Variants in TEC observed in about 807,000 individuals in gnomAD.
The protein encoded by TEC is tyrosine-protein kinase Tec.
A neutral mutation model predicts 93.0 loss-of-function variants in TEC; 72 were observed. The observed-to-expected ratio is 0.77, with a 90% CI of 0.64 to 0.94. The LOEUF (loss-of-function observed/expected upper bound fraction) is 0.94. Ranked by LOEUF, TEC falls within the 40% of genes least tolerant of loss-of-function variation. The pLI, the probability that TEC is intolerant of heterozygous loss-of-function variation, is 0.00. For synonymous variants in TEC, 249 were observed against 247.7 expected (o/e 1.01, Z -0.05); for missense variants, 630 against 757.9 (o/e 0.83, Z 1.98).
chr4:48,211,166 T>C (rs559542644), intron 2 of TEC, among the ~76,000 whole-genome samples: 15 of 152,338 alleles, frequency 9.8e-5, no homozygotes, highest in Non-Finnish European at 2.1e-4. Flanking sequence ...TCCATCCTCT[T>C]AGTCTCTCAC....
At chr4:48,191,915 G>T (rs916346718) in intron 2 of TEC, among the ~76,000 whole-genome samples, 1 of 152,066 alleles carries the variant, frequency 6.6e-6, no homozygotes, top group South Asian at 2.1e-4. Flanking sequence ...CTCCAGCCTG[G>T]GTGACAGACT....
intron 2 of TEC, among the ~76,000 whole-genome samples, chr4:48,210,309 T>C (rs1362855410): frequency 6.6e-6 from 1 of 151,832 alleles, no homozygotes; most frequent in African/African-American, 2.4e-5. Context: ...ATAGCAAGAC[T>C]CCATCTCTAC....
chr4:48,165,496 C>A (rs986571787), intron 7 of TEC, among the ~76,000 whole-genome samples: 2 of 152,152 alleles, frequency 1.3e-5, no homozygotes, highest in Non-Finnish European at 2.9e-5. Context: ...AATGAACCCC[C>A]AAATCATCAG....
chr4:48,217,956 G>GAAA (rs35176630), intron 2 of TEC, among the ~76,000 whole-genome samples: 1 of 134,404 alleles, frequency 7.4e-6, no homozygotes, highest in African/African-American at 2.8e-5. Context: ...GCTTCCTAGA[G>GAAA]AAAAAAAAAA....
At chr4:48,191,670 T>C (rs1025084328) in intron 2 of TEC, among the ~76,000 whole-genome samples, 10 of 152,182 alleles carry the variant, frequency 6.6e-5, no homozygotes, top group Non-Finnish European at 1.0e-4. Context: ...TCAATTACCA[T>C]GGAAATGTAG....
rs373699587 is a variant in TEC, at chr4:48,168,549, T to C, written c.495+37A>G. On this transcript the variant is annotated intron_variant, in intron 6 of 17. Transcript: ENST00000381501. ...AAACTTAAGACTTAAAGGCTTAAAATGTAAAGATTAACTATCAAAAGCTAA... is the reference window on the plus strand; with the variant it reads ...AAACTTAAGACTTAAAGGCTTAAAACGTAAAGATTAACTATCAAAAGCTAA... 1.7e-5 allele frequency: 27 copies of C among 1,605,060 alleles called. No homozygotes were observed. In the African/African-American group the frequency reaches 3.5e-4, roughly 21 times the overall value.
At chr4:48,198,204 G>GT (rs1286065694) in intron 2 of TEC, among the ~76,000 whole-genome samples, 1 of 152,238 alleles carries the variant, frequency 6.6e-6, no homozygotes, top group Non-Finnish European at 1.5e-5. Context: ...AGGGATCCTG[G>GT]GGGGAATATC....
At position 48,179,358 on chromosome 4, in the gene TEC, ATATATATATATATATATATT is replaced by A. The variant is rs1306825959; in HGVS notation, c.139-3192_139-3173del. ...GGGTAGTATATATATATATATATAT[ATATATATATATATATATATT>A]TTTTTTTTTTTTTTTTTTTTTTCAA... On this transcript the variant is annotated intron_variant, in intron 2 of 17. Transcript: ENST00000381501. Among the ~76,000 whole-genome samples the A allele has an allele frequency of 2.5e-3, 89 of 35,956 alleles. 1 individual carries two copies. Among genetic ancestry groups the A allele is most frequent in the African/African-American group, 0.01 (85 of 8,168 alleles). 23.6% of individuals were successfully genotyped at this position (35,956 alleles called of 152,430 possible).
At chr4:48,220,447 T>G (rs1723223520) in intron 2 of TEC, among the ~76,000 whole-genome samples, 1 of 151,956 alleles carries the variant, frequency 6.6e-6, no homozygotes, top group Non-Finnish European at 1.5e-5. Context: ...ATGAATGAGT[T>G]CTCACTCTGA....
chr4:48,140,115 A>G, intron 15 of TEC, among the ~76,000 whole-genome samples: 1 of 152,236 alleles, frequency 6.6e-6, no homozygotes, highest in East Asian at 1.9e-4. Flanking sequence ...ATATCCTAAG[A>G]GTTGGAAGTT....
chr4:48,144,744 G>C (rs1719832620), intron 14 of TEC, among the ~76,000 whole-genome samples: 1 of 152,152 alleles, frequency 6.6e-6, no homozygotes, highest in South Asian at 2.1e-4. Flanking sequence ...ATCACAGTAG[G>C]CGAGCCTTTT....
At chr4:48,168,987 C>T (rs769801310) in intron 5 of TEC, among the ~76,000 whole-genome samples, 1 of 152,180 alleles carries the variant, frequency 6.6e-6, no homozygotes, top group Non-Finnish European at 1.5e-5. Context: ...CATTCCTCTA[C>T]AGTCCACAGT....
At chr4:48,144,951 A>G (rs1289121031) in intron 14 of TEC, 128 bp downstream of exon 14, 1 of 788,674 alleles carries the variant, frequency 1.3e-6, no homozygotes, top group Non-Finnish European at 2.1e-6. Flanking sequence ...AAATTTACCA[A>G]CTTTAAAAAT....
At chr4:48,209,531 T>A (rs904345403) in intron 2 of TEC, among the ~76,000 whole-genome samples, 2 of 152,162 alleles carry the variant, frequency 1.3e-5, no homozygotes, top group Admixed American at 1.3e-4. Context: ...GAGGATGGCC[T>A]GAGCCCAGGA....
At chr4:48,197,742 CA>C (rs1256506018) in intron 2 of TEC, among the ~76,000 whole-genome samples, 2 of 152,210 alleles carry the variant, frequency 1.3e-5, no homozygotes, top group Non-Finnish European at 2.9e-5. Context: ...CCTCAGCATC[CA>C]TTTTGAATAG....
intron 1 of TEC, among the ~76,000 whole-genome samples, chr4:48,248,935 C>T (rs1307258934): frequency 1.3e-5 from 2 of 150,252 alleles, no homozygotes; most frequent in African/African-American, 4.9e-5. Flanking sequence ...AATTCTACTA[C>T]ACACTGAAAA....
At chr4:48,223,032 T>G (rs900666183) in intron 2 of TEC, among the ~76,000 whole-genome samples, 2 of 152,132 alleles carry the variant, frequency 1.3e-5, no homozygotes, top group African/African-American at 4.8e-5. Context: ...AGATCAGATG[T>G]GTGTTGGGGT....
chr4:48,252,794 C>A (rs1002344756), intron 1 of TEC, among the ~76,000 whole-genome samples: 4 of 152,138 alleles, frequency 2.6e-5, no homozygotes, highest in East Asian at 1.9e-4. Context: ...TATATTAGAC[C>A]ATAATCTCAT....
chr4:48,199,869 G>A (rs1722441976), intron 2 of TEC, among the ~76,000 whole-genome samples: 2 of 152,140 alleles, frequency 1.3e-5, no homozygotes, highest in African/African-American at 4.8e-5. Flanking sequence ...AATTTATTTA[G>A]TGCATGTTGT....
Sources: allele counts gnomAD v4.1 joint callset (sites outside exome capture counted in the v4.1 genomes callset), GRCh38; gene constraint gnomAD v4.1.1; transcripts MANE v1.5; gene names NCBI Gene and HGNC (gene_info 2026-07-23, HGNC 2026-07-21).